The following DHRSX variants were observed in gnomAD, a reference collection of about 807,000 sequenced individuals.
The protein encoded by DHRSX is polyprenol dehydrogenase.
Under a neutral mutation model 34.0 loss-of-function variants are expected in DHRSX, and 31 were observed. The observed-to-expected ratio is 0.91, with a 90% confidence interval of 0.69 to 1.23. DHRSX has a LOEUF of 1.23. Among genes scored for constraint, DHRSX ranks in the 50% most tolerant of loss-of-function variants. The pLI is 0.00. For missense variants in DHRSX, 414 were observed against 428.1 expected, an observed-to-expected ratio of 0.97 and a Z score of 0.29; for synonymous variants, 201 against 183.8, an observed-to-expected ratio of 1.09 and a Z score of -0.76.
chrX:2,369,844 T>C (rs112588390), intron 3 of DHRSX, among the ~76,000 whole-genome samples: 1 of 152,054 alleles, frequency 6.6e-6, no homozygotes, highest in Non-Finnish European at 1.5e-5. Flanking sequence ...GGTTTCACCA[T>C]GTTGGTCAGG....
At chrX:2,310,263 CCT>C in intron 3 of DHRSX, among the ~76,000 whole-genome samples, 1 of 152,192 alleles carries the variant, frequency 6.6e-6, no homozygotes, top group South Asian at 2.1e-4. Context: ...TGGCTTCTGG[CCT>C]CTCTTCATTC....
chrX:2,438,371 A>G, intron 1 of DHRSX, among the ~76,000 whole-genome samples: 1 of 151,702 alleles, frequency 6.6e-6, no homozygotes, highest in South Asian at 2.1e-4. Context: ...GCAAAGCATC[A>G]ATAAAGACTG....
chrX:2,456,613 C>CAAAA (rs57262200), intron 1 of DHRSX, among the ~76,000 whole-genome samples: 1 of 108,874 alleles, frequency 9.2e-6, no homozygotes, highest in Admixed American at 1.0e-4. Context: ...GACTCCTCTT[C>CAAAA]AAAAAAAAAA....
chrX:2,382,642 TCAC>T (rs1569495719), intron 3 of DHRSX, among the ~76,000 whole-genome samples: 119 of 55,522 alleles, frequency 2.1e-3, no homozygotes, highest in African/African-American at 7.4e-3. Context: ...ATCATCACCA[TCAC>T]CATCATCACC....
chrX:2,228,789 C>G (rs1243751280), intron 6 of DHRSX, among the ~76,000 whole-genome samples: 1 of 152,114 alleles, frequency 6.6e-6, no homozygotes, highest in Admixed American at 6.6e-5. Context: ...GAGATATTTG[C>G]CTGTGACTCT....
intron 5 of DHRSX, among the ~76,000 whole-genome samples, chrX:2,259,359 G>GATATATATAGATATATATATAGAT (rs1569480926): frequency 9.0e-6 from 1 of 110,836 alleles, no homozygotes; most frequent in African/African-American, 2.8e-5. Flanking sequence ...TATATAGATA[G>GATATATATAGATATATATATAGAT]ATATAGATAT....
At chrX:2,253,397 A>T (rs867347802) in intron 5 of DHRSX, among the ~76,000 whole-genome samples, 1 of 117,894 alleles carries the variant, frequency 8.5e-6, no homozygotes, top group Admixed American at 9.7e-5. Flanking sequence ...GCGCCACGGC[A>T]CTCCAGCCTA....
chrX:2,412,118 G>A (rs1343495261), intron 2 of DHRSX, among the ~76,000 whole-genome samples: 1 of 152,224 alleles, frequency 6.6e-6, no homozygotes, highest in Non-Finnish European at 1.5e-5. Context: ...TACATTTGCT[G>A]AGCAAGTACT....
chrX:2,467,020 G>A (rs1264319409), intron 1 of DHRSX, among the ~76,000 whole-genome samples: 2 of 149,074 alleles, frequency 1.3e-5, no homozygotes, highest in South Asian at 2.1e-4. Context: ...AGCCGAGATC[G>A]CGCCATTGCA....
At chrX:2,485,491 A>G (rs1235243282) in intron 1 of DHRSX, among the ~76,000 whole-genome samples, 3 of 136,770 alleles carry the variant, frequency 2.2e-5, no homozygotes, top group Admixed American at 7.4e-5. Context: ...AGAGGGAGGG[A>G]GGAAGGAAAA....
chrX:2,346,626 G>C (rs944174668), intron 3 of DHRSX, among the ~76,000 whole-genome samples: 5 of 147,620 alleles, frequency 3.4e-5, no homozygotes, highest in Non-Finnish European at 6.0e-5. Context: ...CCTGTTTGTA[G>C]GGATGTTGTA....
chrX:2,253,361 G>A (rs1357225800), intron 5 of DHRSX, among the ~76,000 whole-genome samples: 1 of 120,582 alleles, frequency 8.3e-6, no homozygotes, highest in Non-Finnish European at 2.1e-5. Flanking sequence ...CAGCCTGGGA[G>A]GCGGACATGG....
intron 4 of DHRSX, among the ~76,000 whole-genome samples, chrX:2,282,400 G>T (rs1319181255): frequency 6.7e-6 from 1 of 149,308 alleles, no homozygotes; most frequent in African/African-American, 2.5e-5. Flanking sequence ...GAGACAGAGA[G>T]AAAGAGAGAA....
At chrX:2,410,523 C>T (rs1026163299) in intron 2 of DHRSX, among the ~76,000 whole-genome samples, 4 of 152,228 alleles carry the variant, frequency 2.6e-5, no homozygotes, top group East Asian at 1.9e-4. Flanking sequence ...CCAAATAATC[C>T]CTCTCTTTGG....
chrX:2,333,295 AT>A (rs781341322), intron 3 of DHRSX, among the ~76,000 whole-genome samples: 5 of 152,140 alleles, frequency 3.3e-5, no homozygotes, highest in Non-Finnish European at 5.9e-5. Flanking sequence ...ACAAACATGT[AT>A]TTTTTTAAAC....
chrX:2,362,542 G>T (rs1348770286), intron 3 of DHRSX, among the ~76,000 whole-genome samples: 1 of 152,110 alleles, frequency 6.6e-6, no homozygotes, highest in Non-Finnish European at 1.5e-5. Context: ...CTCGTGATCC[G>T]CCCACCACAG....
At chrX:2,329,384 T>C (rs371551803) in intron 3 of DHRSX, among the ~76,000 whole-genome samples, 1 of 152,164 alleles carries the variant, frequency 6.6e-6, no homozygotes, top group African/African-American at 2.4e-5. Context: ...AAACGCCATA[T>C]TGGTTTTCTT....
chrX:2,446,324 T>C (rs1223965828), intron 1 of DHRSX, among the ~76,000 whole-genome samples: 2 of 150,088 alleles, frequency 1.3e-5, no homozygotes, highest in Admixed American at 1.3e-4. Flanking sequence ...ACTGAAGACA[T>C]TCCCTAAGCA....
At chrX:2,492,938 G>T (rs961652011) in intron 1 of DHRSX, among the ~76,000 whole-genome samples, 1 of 152,232 alleles carries the variant, frequency 6.6e-6, no homozygotes, top group African/African-American at 2.4e-5. Flanking sequence ...TCTTAGAAAG[G>T]CCCCCCGTCT....
Sources: allele counts gnomAD v4.1 joint callset (sites outside exome capture counted in the v4.1 genomes callset), GRCh38; gene constraint gnomAD v4.1.1; transcripts MANE v1.5; gene names NCBI Gene and HGNC (gene_info 2026-07-23, HGNC 2026-07-21).